RPAIN: variants seen among roughly 807,000 people sequenced by gnomAD.
RPAIN encodes the protein RPA-interacting protein.
A neutral mutation model predicts 30.5 loss-of-function variants in RPAIN; 29 were observed. The observed-to-expected ratio is 0.95, with a 90% CI of 0.71 to 1.30. The LOEUF (loss-of-function observed/expected upper bound fraction) is 1.30. Ranked by LOEUF, RPAIN falls within the 50% of genes most tolerant of loss-of-function variation. RPAIN has a pLI of 0.00. For synonymous variants in RPAIN, 101 were observed against 93.5 expected (o/e 1.08, Z -0.46); for missense variants, 247 against 264.7 (o/e 0.93, Z 0.46).
intron 4 of RPAIN, 74 bp downstream of exon 4, chr17:5,426,156 A>C (rs1382388991): frequency 6.4e-7 from 1 of 1,566,572 alleles, no homozygotes; most frequent in Non-Finnish European, 8.8e-7. Flanking sequence ...ATCTCCCCCC[A>C]GATTTGTTGC....
intron 6 of RPAIN, 154 bp from the exon 7 acceptor site, chr17:5,432,388 C>T (rs868311157): frequency 1.3e-5 from 9 of 668,814 alleles, no homozygotes; most frequent in East Asian, 5.4e-5. Flanking sequence ...CAAAGAGGGG[C>T]GGTCATCATG....
In RPAIN at chr17:5,432,708, T is replaced by G; in HGVS notation, c.*137T>G. ...AACAATACTGAAGAAAAAAAAACTT[T>G]TCCGACATCTGTTCTTGGTCTTTTG... On this transcript the variant is annotated 3_prime_UTR_variant, in exon 7 of 7. Transcript: ENST00000381209. 2.2e-6 allele frequency: 2 copies of G among 929,220 alleles called. No individual in the cohort carries two copies. The highest frequency in any genetic ancestry group is 2.6e-5 in the Admixed American group (1 of 38,784). The allele number at this position is 929,220 out of a possible 1,614,324, so 57.6% of individuals were successfully genotyped here. A position where few individuals can be genotyped will look rare whatever the true frequency, so the allele number is the denominator to read the frequency against.
chr17:5,421,053 A>C (rs190319692), intron 1 of RPAIN, among the ~76,000 whole-genome samples: 7 of 152,358 alleles, frequency 4.6e-5, no homozygotes, highest in African/African-American at 1.7e-4. Flanking sequence ...GATATTATGC[A>C]CACAACCATT....
chr17:5,430,719 A>T (rs565011082), intron 6 of RPAIN: 1 of 152,394 alleles, frequency 6.6e-6, no homozygotes, highest in East Asian at 1.9e-4. Flanking sequence ...ATTAATAAAG[A>T]GGTGCTTAAG....
At chr17:5,431,451 C>T (rs898353635) in intron 6 of RPAIN, 20 of 429,638 alleles carry the variant, frequency 4.7e-5, no homozygotes, top group African/African-American at 1.4e-4. Context: ...GGCGCCATTG[C>T]GCTCCAGGCT....
At chr17:5,423,511 C>A (rs558052576) in intron 3 of RPAIN, among the ~76,000 whole-genome samples, 12 of 152,160 alleles carry the variant, frequency 7.9e-5, no homozygotes, top group African/African-American at 2.4e-4. Flanking sequence ...GAGGGAGACC[C>A]TGTCACTTTA....
rs1378441677 is a variant in RPAIN, at chr17:5,432,342, T to C, written c.631-200T>C. The C allele has an allele frequency of 9.1e-6, 5 of 550,988 alleles. No homozygotes were observed. The East Asian group carries it at 1.4e-4, about 16-fold the overall frequency. 34.1% of individuals were successfully genotyped at this position (550,988 alleles called of 1,614,324 possible). A position where few individuals can be genotyped will look rare whatever the true frequency, so the allele number is the denominator to read the frequency against. On this transcript the variant is annotated intron_variant, in intron 6 of 6. Transcript: ENST00000381209. ...TTGATGCTGATGGTTCCCAGGGCAG[T>C]TGTTTGAAGGCTGCAGGACAGAGGT... is the stretch of plus-strand genomic sequence containing the variant.
chr17:5,428,564 CAG>C lies in RPAIN; in HGVS notation c.630+354_630+355del, dbSNP rs372883412. On this transcript the variant is annotated intron_variant, in intron 6 of 6. Transcript: ENST00000381209. ...CTGGCACCACTTTTGCGGAAGGAAA[CAG>C]GGCAGAAGCATAGCAGGGCAGCATT... 41 of 1,215,968 alleles carry C rather than the reference CAG, an allele frequency of 3.4e-5. 1 individual carries two copies. Among genetic ancestry groups the C allele is most frequent in the Middle Eastern group, 6.6e-4 (2 of 3,010 alleles). 75.3% of individuals were successfully genotyped at this position (1,215,968 alleles called of 1,614,324 possible). A position where few individuals can be genotyped will look rare whatever the true frequency, so the allele number is the denominator to read the frequency against.
At chr17:5,423,362 A>AT (rs1271041136) in intron 3 of RPAIN, among the ~76,000 whole-genome samples, 2 of 151,938 alleles carry the variant, frequency 1.3e-5, no homozygotes, top group African/African-American at 4.8e-5. Flanking sequence ...AAAAAAAAAA[A>AT]AAAAAATTAT....
rs1006678210 is a variant in RPAIN, at chr17:5,431,267, A to C, written c.631-1275A>C. 5 of 358,392 alleles carry C rather than the reference A, an allele frequency of 1.4e-5. No individual in the cohort carries two copies. In the Admixed American group the frequency reaches 1.9e-4, roughly 13 times the overall value. The allele number at this position is 358,392 out of a possible 1,614,324, so 22.2% of individuals were successfully genotyped here. On this transcript the variant is annotated intron_variant, in intron 6 of 6. Coordinates refer to ENST00000381209, the MANE Select transcript of RPAIN (RefSeq NM_001033002.4). ...TTAGGAAGGCTGAGGTGGGAGGATC[A>C]CTTGAGGCCAGGAATTCAAGACCAG...
intron 6 of RPAIN, chr17:5,428,759 GTGTA>G (rs1008568759): frequency 5.4e-5 from 54 of 1,000,620 alleles, no homozygotes; most frequent in Non-Finnish European, 5.8e-5. Context: ...TTCCATATAT[GTGTA>G]TGTATGTATG....
chr17:5,432,007 G>C (rs999515641), intron 6 of RPAIN: 1 of 266,510 alleles, frequency 3.8e-6, no homozygotes, highest in African/African-American at 2.3e-5. Context: ...ATGGGTTAAG[G>C]ACAGACTGGA....
rs983135193 is a variant in RPAIN, at chr17:5,428,213, T to G, written c.630+2T>G. On this transcript the variant is annotated splice_donor_variant, in intron 6 of 6. Coordinates refer to ENST00000381209, the MANE Select transcript of RPAIN (RefSeq NM_001033002.4). LOFTEE classifies it high-confidence loss of function. The stretch of plus-strand genomic sequence containing the variant: ...TCCAGTCTTCTCATGAGCTGTCTGG[T>G]AAGCGTCTCCTGGGACCCACTCTGT... 1 of 1,614,230 alleles carries G rather than the reference T, an allele frequency of 6.2e-7. No homozygotes were observed. Among genetic ancestry groups the G allele is most frequent in the Non-Finnish European group, 8.5e-7 (1 of 1,180,046 alleles).
chr17:5,420,962 A>C (rs1409370792), intron 1 of RPAIN, among the ~76,000 whole-genome samples: 2 of 152,222 alleles, frequency 1.3e-5, no homozygotes, highest in Non-Finnish European at 2.9e-5. Flanking sequence ...GCTGTGCAGG[A>C]AGGCCGTTAC....
chr17:5,428,896 T>C (rs1915656978), intron 6 of RPAIN: 2 of 984,820 alleles, frequency 2.0e-6, no homozygotes, highest in African/African-American at 1.7e-5. Flanking sequence ...AGGAAGTTCA[T>C]AGCCATGGCT....
At position 5,432,553 on chromosome 17, in the gene RPAIN, T is replaced by C. The variant is rs924415852; in HGVS notation, c.642T>C (p.Thr214=). Residue 214 remains threonine, a synonymous_variant, in exon 7 of 7, where the codon ACT becomes ACC. Coordinates refer to ENST00000381209, the MANE Select transcript of RPAIN (RefSeq NM_001033002.4). ...SLLMSCLACD[T]WAVIL The stretch of plus-strand genomic sequence containing the variant: ...CTGTTTAAACCTAGGCCTGTGATAC[T>C]TGGGCTGTGATCCTCTAGAGCCAGC... 6.2e-7 allele frequency: 1 copy of C among 1,613,996 alleles called. No homozygotes were observed. The highest frequency in any genetic ancestry group is 8.5e-7 in the Non-Finnish European group (1 of 1,179,820).
intron 6 of RPAIN, chr17:5,428,524 C>T: frequency 7.4e-7 from 1 of 1,344,252 alleles, no homozygotes; most frequent in South Asian, 1.6e-5. Flanking sequence ...AGTCATAAGA[C>T]CCAGATAGGC....
Position 5,428,177 on chromosome 17 carries a change from C to T in RPAIN, c.596C>T (p.Thr199Ile). Residue 199 changes from threonine (T) to isoleucine (I), a missense_variant, in exon 6 of 7, where the codon ACA (threonine) becomes ATA (isoleucine). Transcript: ENST00000381209. ...HTPEFSVTGG[T>I]EEKSSLLMSC... ...CCTGAATTTTCAGTCACTGGAGGAA[C>T]AGAAGAAAAGTCCAGTCTTCTCATG... 2 of 1,614,176 alleles carry T rather than the reference C, an allele frequency of 1.2e-6. No homozygotes were observed. Among genetic ancestry groups the T allele is most frequent in the Non-Finnish European group, 1.7e-6 (2 of 1,180,006 alleles).
In RPAIN at chr17:5,422,666, A is replaced by G. The variant is rs1914980406; in HGVS notation, c.253-103A>G. The G allele has an allele frequency of 3.7e-5, 37 of 993,684 alleles. No individual in the cohort carries two copies. In the South Asian group the frequency reaches 5.3e-4, roughly 14 times the overall value. The allele number at this position is 993,684 out of a possible 1,614,324, so 61.6% of individuals were successfully genotyped here. A position where few individuals can be genotyped will look rare whatever the true frequency, so the allele number is the denominator to read the frequency against. On this transcript the variant is annotated intron_variant, in intron 2 of 6. Transcript: ENST00000381209. Reference sequence around the variant, plus strand: ...CAGGAGGACTGGACTGATTTTGTCCAATAAATCTGGGTTCTTCAAGCCAGC... The same window carrying G: ...CAGGAGGACTGGACTGATTTTGTCCGATAAATCTGGGTTCTTCAAGCCAGC...
Sources: allele counts gnomAD v4.1 joint callset (sites outside exome capture counted in the v4.1 genomes callset), GRCh38; gene constraint gnomAD v4.1.1; transcripts MANE v1.5; gene names NCBI Gene and HGNC (gene_info 2026-07-23, HGNC 2026-07-21).